SPEG: variants seen among roughly 807,000 people sequenced by gnomAD.
SPEG encodes striated muscle preferentially expressed protein kinase.
SPEG carries 114 observed loss-of-function variants against 300.4 expected under a neutral mutation model. The ratio of observed to expected loss-of-function variants is 0.38; its 90% confidence interval spans 0.33 to 0.44. The LOEUF is 0.44. SPEG is among the 20% of genes least tolerant of loss of function. The probability of loss-of-function intolerance (pLI) is 1.00; values close to 1 mark genes in which losing one functional copy is unlikely to be tolerated. For synonymous variants in SPEG, 1,964 were observed against 2,018.9 expected (o/e 0.97, Z 0.73); for missense variants, 4,201 against 4,586.2 (o/e 0.92, Z 2.43).
intron 18 of SPEG, 106 bp from the exon 19 acceptor site, chr2:219,476,761 GTTC>G: frequency 1.2e-6 from 1 of 810,164 alleles, no homozygotes; most frequent in Admixed American, 2.2e-5. Flanking sequence ...GGGGTCTAGC[GTTC>G]TGACTGAGCC....
intron 4 of SPEG, among the ~76,000 whole-genome samples, 160 bp downstream of exon 4, chr2:219,449,431 T>A (rs981871827): frequency 6.6e-6 from 1 of 152,228 alleles, no homozygotes; most frequent in African/African-American, 2.4e-5. Flanking sequence ...AGACACAGGC[T>A]CGACTTTGAG....
Position 219,490,703 on chromosome 2 carries a change from G to T in SPEG, c.9162-30G>T, listed in dbSNP as rs778898942. 2.0e-5 allele frequency: 32 copies of T among 1,611,586 alleles called. No individual in the cohort carries two copies. The Admixed American group carries it at 4.3e-4, about 22-fold the overall frequency. Reference sequence around the variant, plus strand: ...GAAGAGGTAGGGGAGGCTGGGCCGGGTATCATCTGCTCCATCCCTGCCCTC... The same window carrying T: ...GAAGAGGTAGGGGAGGCTGGGCCGGTTATCATCTGCTCCATCCCTGCCCTC... On this transcript the variant is annotated intron_variant, in intron 37 of 40. Coordinates refer to ENST00000312358, the MANE Select transcript of SPEG (RefSeq NM_005876.5).
Position 219,473,355 on chromosome 2 carries a change from C to G in SPEG, c.4148-149C>G. On this transcript the variant is annotated intron_variant, in intron 16 of 40. Transcript: ENST00000312358. This position sits in a 1 kb window ranked among gnomAD's most constrained non-coding sequence, Gnocchi z 4.6. ...AGCTTTGCTGCTCTCTGGCTGTGTTCCCCTGACAAATCGCTAAACCTCTCT... is the reference window on the plus strand; with the variant it reads ...AGCTTTGCTGCTCTCTGGCTGTGTTGCCCTGACAAATCGCTAAACCTCTCT... The G allele has an allele frequency of 1.2e-6, 1 of 859,982 alleles. No individual in the cohort carries two copies. 53.3% of individuals were successfully genotyped at this position (859,982 alleles called of 1,614,324 possible).
In SPEG at chr2:219,491,802, A is replaced by G; in HGVS notation, c.9394A>G (p.Met3132Val). Residue 3132 changes from methionine to valine, a missense_variant, in exon 39 of 41, where the codon ATG becomes GTG. Physicochemically the swap from Met to Val is conservative, Grantham distance 21. This residue lies in a region of SPEG where 318 missense variants were observed against 429.5 expected (regional missense o/e 0.74). Coordinates refer to ENST00000312358, the MANE Select transcript of SPEG (RefSeq NM_005876.5). ...CCTCTGTCTCCTGTCAGCTCCGGAG[A>G]TGGTGAAGGGAGAACCCATCGGCTC... ...TGTLEFMAPE[M>V]VKGEPIGSAT... The G allele has an allele frequency of 1.2e-6, 2 of 1,613,086 alleles. No individual in the cohort carries two copies. The highest frequency in any genetic ancestry group is 1.1e-5 in the South Asian group (1 of 91,042).
Position 219,444,135 on chromosome 2 carries a change from C to A in SPEG, c.389-518C>A. On this transcript the variant is annotated intron_variant, in intron 1 of 40. Transcript: ENST00000312358. This position sits in a 1 kb window ranked among gnomAD's most constrained non-coding sequence, Gnocchi z 7.8. ...CGGCCCCGGCCTCTCCTCACCCTGC[C>A]TCAGCTGCACCCGATGCCTTGCAGC... The A allele has an allele frequency of 9.0e-7, 1 of 1,105,950 alleles. No individual in the cohort carries two copies. The highest frequency in any genetic ancestry group is 1.2e-6 in the Non-Finnish European group (1 of 803,428). The allele number at this position is 1,105,950 out of a possible 1,614,324, so 68.5% of individuals were successfully genotyped here.
intron 4 of SPEG, among the ~76,000 whole-genome samples, chr2:219,449,838 G>A (rs1383422531): frequency 2.0e-5 from 3 of 151,902 alleles, no homozygotes; most frequent in Admixed American, 1.3e-4. Flanking sequence ...CTTACACCCC[G>A]CATGGCTGAG....
chr2:219,480,787 AC>A lies in SPEG; in HGVS notation c.5369+96del. ...TGCAGCCCACCCCCTTCTCTTCCGC[AC>A]CCCCCACTCCTTCTTGCACTGCAAG... On this transcript the variant is annotated intron_variant, in intron 26 of 40. Coordinates refer to ENST00000312358, the MANE Select transcript of SPEG (RefSeq NM_005876.5). The surrounding 1 kb of genome is among the most constrained non-coding windows in gnomAD (Gnocchi z 5.3). The A allele has an allele frequency of 5.0e-6, 6 of 1,203,904 alleles. No homozygotes were observed. Among genetic ancestry groups the A allele is most frequent in the Non-Finnish European group, 6.1e-6 (5 of 814,462 alleles). 74.6% of individuals were successfully genotyped at this position (1,203,904 alleles called of 1,614,324 possible).
At chr2:219,491,525 G>A (rs895970788) in intron 38 of SPEG, among the ~76,000 whole-genome samples, 2 of 152,206 alleles carry the variant, frequency 1.3e-5, no homozygotes, top group Non-Finnish European at 2.9e-5. Flanking sequence ...CGATCCAAGG[G>A]AGCTTGTCAC....
In SPEG at chr2:219,491,167, C is replaced by T. The variant is rs117949055; in HGVS notation, c.9385+211C>T. On this transcript the variant is annotated intron_variant, in intron 38 of 40. Coordinates refer to ENST00000312358, the MANE Select transcript of SPEG (RefSeq NM_005876.5). ...TTACAGATGAGGAAACTGAGGGGTACTGATGTTAGGGATTTGTGCAATCAG... is the reference window on the plus strand; with the variant it reads ...TTACAGATGAGGAAACTGAGGGGTATTGATGTTAGGGATTTGTGCAATCAG... Among the ~76,000 whole-genome samples the T allele has an allele frequency of 9.5e-4, 145 of 152,304 alleles. 2 individuals are homozygous for T. In the East Asian group the frequency reaches 0.027, roughly 28 times the overall value.
At chr2:219,482,448 G>A (rs1007331094) in intron 28 of SPEG, 44 of 269,294 alleles carry the variant, frequency 1.6e-4, no homozygotes, top group African/African-American at 8.8e-4. Context: ...GCCAGGACCC[G>A]GGTAAAGGGC....
At chr2:219,482,443 G>A (rs1307646836) in intron 28 of SPEG, 1 of 263,320 alleles carries the variant, frequency 3.8e-6, no homozygotes, top group Non-Finnish European at 7.3e-6. Flanking sequence ...GGGGAGCCAG[G>A]ACCCGGGTAA....
chr2:219,456,362 C>A (rs1014558261), intron 6 of SPEG, among the ~76,000 whole-genome samples: 3 of 152,196 alleles, frequency 2.0e-5, no homozygotes, highest in Non-Finnish European at 4.4e-5. Context: ...GCCACATGGC[C>A]CCCATCGTCA....
At position 219,480,730 on chromosome 2, in the gene SPEG, C is replaced by T; in HGVS notation, c.5369+33C>T. The stretch of plus-strand genomic sequence containing the variant: ...CCCCTCTGCAATGTCCCAGCAGTCT[C>T]CTGGCAGGTCTACCCCTAACCTTTG... On this transcript the variant is annotated intron_variant, in intron 26 of 40. Transcript: ENST00000312358. The surrounding 1 kb of genome is among the most constrained non-coding windows in gnomAD (Gnocchi z 5.3). The T allele has an allele frequency of 6.2e-7, 1 of 1,610,212 alleles. No individual in the cohort carries two copies. The highest frequency in any genetic ancestry group is 8.5e-7 in the Non-Finnish European group (1 of 1,176,516).
chr2:219,461,034 G>GGGGGACCC, intron 6 of SPEG: 2 of 969,022 alleles, frequency 2.1e-6, no homozygotes, highest in Non-Finnish European at 2.5e-6. Flanking sequence ...GCTTGGGGTG[G>GGGGGACCC]GGGGACCCTG....
chr2:219,473,431 G>T lies in SPEG; in HGVS notation c.4148-73G>T, dbSNP rs1464436737. 1.4e-6 allele frequency: 2 copies of T among 1,417,684 alleles called. No homozygotes were observed. Among genetic ancestry groups the T allele is most frequent in the African/African-American group, 1.4e-5 (1 of 70,944 alleles). 87.8% of individuals were successfully genotyped at this position (1,417,684 alleles called of 1,614,324 possible). On this transcript the variant is annotated intron_variant, in intron 16 of 40. Coordinates refer to ENST00000312358, the MANE Select transcript of SPEG (RefSeq NM_005876.5). This position sits in a 1 kb window ranked among gnomAD's most constrained non-coding sequence, Gnocchi z 4.6. ...AACGGAACTCAAGTGTTGATGAGGG[G>T]TGTTAGAGGAGTGGTGGGTGCTGAG...
chr2:219,477,868 G>C lies in SPEG; in HGVS notation c.4827-37G>C. 4 of 1,607,690 alleles carry C rather than the reference G, an allele frequency of 2.5e-6. No homozygotes were observed. The highest frequency in any genetic ancestry group is 3.4e-6 in the Non-Finnish European group (4 of 1,174,972). ...TGGGAGGGGTGGAGAGGGCCACAGTGATGGCTGATCTCTGACCCCCTCCCT... is the reference window on the plus strand; with the variant it reads ...TGGGAGGGGTGGAGAGGGCCACAGTCATGGCTGATCTCTGACCCCCTCCCT... On this transcript the variant is annotated intron_variant, in intron 21 of 40. Coordinates refer to ENST00000312358, the MANE Select transcript of SPEG (RefSeq NM_005876.5). This position sits in a 1 kb window ranked among gnomAD's most constrained non-coding sequence, Gnocchi z 6.4.
intron 13 of SPEG, among the ~76,000 whole-genome samples, chr2:219,469,708 A>AC (rs1691704217): frequency 1.3e-5 from 2 of 152,152 alleles, no homozygotes; most frequent in Non-Finnish European, 2.9e-5. Flanking sequence ...TTGTTACGAG[A>AC]CTAAATCAGT....
In SPEG at chr2:219,484,283, C is replaced by A. The variant is rs750805460; in HGVS notation, c.6820C>A (p.Pro2274Thr). The A allele has an allele frequency of 6.2e-7, 1 of 1,608,116 alleles. No individual in the cohort carries two copies. Among genetic ancestry groups the A allele is most frequent in the East Asian group, 2.2e-5 (1 of 44,840 alleles). ...GPAAPPSEPK[P>T]HAAVFARVAS... ...TGCCGCGCCGCCTTCAGAGCCCAAG[C>A]CCCACGCTGCTGTCTTTGCCAGGGT... Residue 2274 changes from proline (P) to threonine (T), a missense_variant, in exon 30 of 41, where the codon CCC becomes ACC. This residue lies in a region of SPEG where 1,578 missense variants were observed against 1,506.0 expected (regional missense o/e 1.05). Coordinates refer to ENST00000312358, the MANE Select transcript of SPEG (RefSeq NM_005876.5).
In SPEG at chr2:219,488,175, G is replaced by A; in HGVS notation, c.7742-19G>A. The A allele has an allele frequency of 6.4e-7, 1 of 1,573,170 alleles. No homozygotes were observed. Among genetic ancestry groups the A allele is most frequent in the African/African-American group, 1.3e-5 (1 of 74,238 alleles). On this transcript the variant is annotated intron_variant, in intron 31 of 40. Transcript: ENST00000312358. ...CCAGGGTCCCTACAGATAGATGGCT[G>A]TCTCTGCTTTTCCTCCAGACTTCCC...
Sources: gnomAD v4.1 joint callset for allele counts (sites outside exome capture counted in the v4.1 genomes callset) on GRCh38, gnomAD v4.1.1 for gene constraint, gnomAD v4.1.1 regional missense constraint, Gnocchi (gnomAD v3.1) non-coding constraint, MANE v1.5 for transcripts, NCBI Gene and HGNC (gene_info 2026-07-23, HGNC 2026-07-21) for gene names.